The following RHBDL2 variants were observed in gnomAD, a reference collection of about 807,000 sequenced individuals.
RHBDL2 encodes rhomboid like 2, also known as rhomboid-related protein 2.
Under a neutral mutation model 31.7 loss-of-function variants are expected in RHBDL2, and 26 were observed. The ratio of observed to expected loss-of-function variants is 0.82; its 90% CI spans 0.60 to 1.14. RHBDL2 has a LOEUF of 1.14. Ranked by LOEUF, RHBDL2 falls within the 50% of genes most tolerant of loss-of-function variation. The probability of loss-of-function intolerance (pLI) is 0.00; values close to 1 mark genes in which losing one functional copy is unlikely to be tolerated. For synonymous variants in RHBDL2, 123 were observed against 127.2 expected (o/e 0.97, Z 0.22); for missense variants, 336 against 364.4 (o/e 0.92, Z 0.63).
At chr1:38,938,428 C>G (rs923123786) in intron 1 of RHBDL2, among the ~76,000 whole-genome samples, 1 of 152,066 alleles carries the variant, frequency 6.6e-6, no homozygotes, top group African/African-American at 2.4e-5. Context: ...TCATTTCTTT[C>G]CATTTCCCCA....
At chr1:38,911,845 C>T (rs1643152985) in intron 3 of RHBDL2, among the ~76,000 whole-genome samples, 2 of 151,894 alleles carry the variant, frequency 1.3e-5, no homozygotes, top group Non-Finnish European at 1.5e-5. Context: ...CTCCCTCTGT[C>T]GCCCAGGCTG....
intron 1 of RHBDL2, among the ~76,000 whole-genome samples, chr1:38,933,626 C>T (rs11810286): frequency 0.16 from 23,672 of 151,966 alleles, 3,814 homozygotes; most frequent in African/African-American, 0.41. Flanking sequence ...TGCTTACCTA[C>T]GGATAAGCTA....
intron 3 of RHBDL2, among the ~76,000 whole-genome samples, chr1:38,915,196 G>A (rs1274952423): frequency 4.7e-5 from 7 of 148,806 alleles, no homozygotes; most frequent in African/African-American, 1.2e-4. Context: ...GCAATGGCAC[G>A]ATCTCGGCTT....
intron 2 of RHBDL2, among the ~76,000 whole-genome samples, chr1:38,918,379 T>C (rs897636634): frequency 1.3e-5 from 2 of 152,016 alleles, no homozygotes; most frequent in Non-Finnish European, 2.9e-5. Flanking sequence ...TGCCACGAGG[T>C]ACAGGGGAGC....
At chr1:38,936,955 T>TG (rs199656844) in intron 1 of RHBDL2, among the ~76,000 whole-genome samples, 3,965 of 146,008 alleles carry the variant, frequency 0.027, 188 homozygotes, top group African/African-American at 0.096. Context: ...AGTGTTCTTT[T>TG]TTTTTTTTTT....
intron 5 of RHBDL2, among the ~76,000 whole-genome samples, chr1:38,895,388 A>G (rs918681968): frequency 6.6e-6 from 1 of 152,232 alleles, no homozygotes; most frequent in Non-Finnish European, 1.5e-5. Flanking sequence ...AACTGTTAAC[A>G]ACGTCTTTCA....
intron 1 of RHBDL2, among the ~76,000 whole-genome samples, chr1:38,937,833 A>G (rs1223539888): frequency 6.6e-6 from 1 of 152,214 alleles, no homozygotes; most frequent in Non-Finnish European, 1.5e-5. Context: ...AGTACCAGTC[A>G]TCAGGAACAG....
At position 38,918,877 on chromosome 1, in the gene RHBDL2, A is replaced by G. The variant is rs1189861532; in HGVS notation, c.246+90T>C. 6.7e-6 allele frequency: 10 copies of G among 1,483,192 alleles called. No homozygotes were observed. The East Asian group carries it at 2.0e-4, about 30-fold the overall frequency. 91.9% of individuals were successfully genotyped at this position (1,483,192 alleles called of 1,614,324 possible). A position where few individuals can be genotyped will look rare whatever the true frequency, so the allele number is the denominator to read the frequency against. On this transcript the variant is annotated intron_variant, in intron 2 of 7. Coordinates refer to ENST00000372990, the MANE Select transcript of RHBDL2 (RefSeq NM_017821.5). ...CCACGAAGCTCTCTCCCATGTTCCC[A>G]GTCTCTTCTCTAGATCTAGATCTGA...
chr1:38,928,244 C>T (rs562057531), intron 1 of RHBDL2, among the ~76,000 whole-genome samples: 9 of 147,616 alleles, frequency 6.1e-5, no homozygotes, highest in African/African-American at 2.0e-4. Context: ...CAGGTTCAAG[C>T]GATTCTCCTG....
intron 4 of RHBDL2, among the ~76,000 whole-genome samples, chr1:38,898,532 T>C (rs1044737019): frequency 5.3e-5 from 8 of 152,178 alleles, no homozygotes; most frequent in South Asian, 2.1e-4. Flanking sequence ...TTCAAGATAC[T>C]AGACATCAGA....
chr1:38,904,082 G>A (rs1643029510), intron 4 of RHBDL2, among the ~76,000 whole-genome samples: 1 of 152,174 alleles, frequency 6.6e-6, no homozygotes, highest in African/African-American at 2.4e-5. Flanking sequence ...AATACCAGAT[G>A]ATACACCTAA....
At chr1:38,887,841 A>G (rs1642804590) in intron 7 of RHBDL2, 122 bp downstream of exon 7, 1 of 666,286 alleles carries the variant, frequency 1.5e-6, no homozygotes, top group Non-Finnish European at 2.6e-6. Context: ...TTCCTTAAAA[A>G]TTTTCTTAAC....
chr1:38,927,571 G>A (rs1553160324), intron 1 of RHBDL2, among the ~76,000 whole-genome samples: 1 of 148,472 alleles, frequency 6.7e-6, no homozygotes, highest in Non-Finnish European at 1.5e-5. Context: ...CTTGCCATCT[G>A]CCTTTGAAGA....
Position 38,906,719 on chromosome 1 carries a change from T to C in RHBDL2, c.508+4603A>G, listed in dbSNP as rs147627361. ...TGCACAAATCAATTGTGTTTCTATATACTAGCAATGAAATTATGGACACTG... is the reference window on the plus strand; with the variant it reads ...TGCACAAATCAATTGTGTTTCTATACACTAGCAATGAAATTATGGACACTG... On this transcript the variant is annotated intron_variant, in intron 4 of 7. Transcript: ENST00000372990. 1.8e-3 allele frequency among the ~76,000 whole-genome samples: 268 copies of C among 152,054 alleles called. 4 individuals are homozygous for C. The East Asian group carries it at 0.046, about 26-fold the overall frequency.
intron 1 of RHBDL2, among the ~76,000 whole-genome samples, chr1:38,931,966 C>G (rs1372936435): frequency 6.6e-6 from 1 of 152,164 alleles, no homozygotes; most frequent in Non-Finnish European, 1.5e-5. Context: ...CTGGGCCAGC[C>G]CTGTGACTGG....
intron 3 of RHBDL2, among the ~76,000 whole-genome samples, chr1:38,912,266 G>A (rs1334091361): frequency 1.3e-5 from 2 of 151,786 alleles, no homozygotes; most frequent in Non-Finnish European, 1.5e-5. Flanking sequence ...CACCATGCCC[G>A]GCCTAATTTT....
At chr1:38,909,772 T>C (rs938604594) in intron 4 of RHBDL2, among the ~76,000 whole-genome samples, 1 of 152,044 alleles carries the variant, frequency 6.6e-6, no homozygotes, top group Admixed American at 6.6e-5. Context: ...TTAAATTAAA[T>C]TAAATTAAAA....
chr1:38,939,670 G>A (rs1186223915), intron 1 of RHBDL2, among the ~76,000 whole-genome samples: 2 of 151,974 alleles, frequency 1.3e-5, no homozygotes, highest in Non-Finnish European at 2.9e-5. Flanking sequence ...AAACCAAGTA[G>A]CTGAGACTAC....
intron 2 of RHBDL2, among the ~76,000 whole-genome samples, chr1:38,918,543 G>T (rs116743966): frequency 7.7e-4 from 117 of 152,196 alleles, no homozygotes; most frequent in African/African-American, 2.6e-3. Flanking sequence ...AAAGGATCCC[G>T]TTTTTTTCCT....
Sources: allele counts gnomAD v4.1 joint callset (sites outside exome capture counted in the v4.1 genomes callset), GRCh38; gene constraint gnomAD v4.1.1; transcripts MANE v1.5; gene names NCBI Gene and HGNC (gene_info 2026-07-23, HGNC 2026-07-21).